The following ANKRD13A variants were observed in gnomAD, a reference collection of about 807,000 sequenced individuals.
ANKRD13A encodes ankyrin repeat domain 13A.
A neutral mutation model predicts 81.3 loss-of-function variants in ANKRD13A; 48 were observed. The observed-to-expected ratio is 0.59, with a 90% CI of 0.47 to 0.75. ANKRD13A has a LOEUF of 0.75. ANKRD13A is among the 30% of genes least tolerant of loss of function. The probability of loss-of-function intolerance (pLI) is 0.00; values close to 1 mark genes in which losing one functional copy is unlikely to be tolerated. For missense variants in ANKRD13A, 612 were observed against 734.0 expected (o/e 0.83, Z 1.92); for synonymous variants, 230 against 270.1 (o/e 0.85, Z 1.45).
At chr12:110,033,060 T>TC (rs1034826327) in intron 12 of ANKRD13A, among the ~76,000 whole-genome samples, 5 of 149,300 alleles carry the variant, frequency 3.3e-5, no homozygotes, top group Non-Finnish European at 7.4e-5. Context: ...TTTTTCTTTT[T>TC]TTTTTTTTTT....
intron 12 of ANKRD13A, 117 bp downstream of exon 12, chr12:110,030,875 A>G (rs890446245): frequency 4.6e-5 from 20 of 432,946 alleles, no homozygotes; most frequent in Middle Eastern, 6.6e-4. Flanking sequence ...TGGGTGGATC[A>G]CCTGAGGTCG....
chr12:110,032,586 T>A (rs1018283128), intron 12 of ANKRD13A: 1 of 152,140 alleles, frequency 6.6e-6, no homozygotes, highest in African/African-American at 2.4e-5. Context: ...GTGGATGACC[T>A]AGCAATTCCT....
intron 6 of ANKRD13A, chr12:110,022,171 T>C (rs982835681): frequency 6.6e-6 from 1 of 152,304 alleles, no homozygotes; most frequent in African/African-American, 2.4e-5. Flanking sequence ...AATGCTGAGC[T>C]GGGCGTGCTG....
chr12:110,016,814 C>T (rs1890827572), intron 4 of ANKRD13A, among the ~76,000 whole-genome samples: 1 of 151,720 alleles, frequency 6.6e-6, no homozygotes, highest in Non-Finnish European at 1.5e-5. Context: ...ACTCTGTTGT[C>T]CAGGCTGGAG....
chr12:110,033,704 CCTTT>C (rs767312073), intron 12 of ANKRD13A, 89 bp from the exon 13 acceptor site: 155 of 1,201,628 alleles, frequency 1.3e-4, no homozygotes, highest in Non-Finnish European at 1.7e-4. Flanking sequence ...TAATTTTGAG[CCTTT>C]CTTTTTTTTC....
chr12:110,035,641 G>C (rs570894514), intron 13 of ANKRD13A, among the ~76,000 whole-genome samples: 3 of 151,956 alleles, frequency 2.0e-5, no homozygotes, highest in Admixed American at 6.6e-5. Context: ...GTAGAGACGG[G>C]GTTTTACCAT....
At chr12:109,999,426 C>A (rs1454442086), upstream of ANKRD13A, 4 of 204,752 alleles carry the variant, frequency 2.0e-5, no homozygotes, top group Admixed American at 5.9e-5. The surrounding 1 kb of genome is among the most constrained non-coding windows in gnomAD (Gnocchi z 4.3). Flanking sequence ...GCAGTTAGGT[C>A]CGCAGAAGTC....
intron 10 of ANKRD13A, 119 bp downstream of exon 10, chr12:110,028,761 G>A (rs112810261): frequency 4.6e-5 from 64 of 1,386,204 alleles, no homozygotes; most frequent in African/African-American, 2.3e-4. Flanking sequence ...TTTTTCAGAC[G>A]GAGTCTCGCT....
intron 1 of ANKRD13A, among the ~76,000 whole-genome samples, chr12:110,005,015 A>T (rs929246703): frequency 6.6e-6 from 1 of 152,254 alleles, no homozygotes; most frequent in African/African-American, 2.4e-5. Flanking sequence ...GATTTTTTCA[A>T]AAGATTTTTA....
At chr12:110,025,356 A>G (rs1891265637) in intron 7 of ANKRD13A, among the ~76,000 whole-genome samples, 1 of 137,090 alleles carries the variant, frequency 7.3e-6, no homozygotes, top group African/African-American at 2.7e-5. Context: ...ACTCTGTCTC[A>G]AAAAAAAAAA....
In ANKRD13A at chr12:110,018,343, A is replaced by C. The variant is rs1890894766; in HGVS notation, c.401-2A>C. On this transcript the variant is annotated splice_acceptor_variant, in intron 4 of 14. Transcript: ENST00000261739. LOFTEE classifies it high-confidence loss of function. The surrounding 1 kb of genome is among the most constrained non-coding windows in gnomAD (Gnocchi z 4.4). ...TCTCAGTAGTACACTTCTCTCCTCC[A>C]GTGCCCTTGGTTTCTAGAATATGCC... 3 of 1,613,942 alleles carry C rather than the reference A, an allele frequency of 1.9e-6. No individual in the cohort carries two copies. Among genetic ancestry groups the C allele is most frequent in the Non-Finnish European group, 1.7e-6 (2 of 1,179,896 alleles).
At chr12:110,004,342 G>T (rs1278122917) in intron 1 of ANKRD13A, among the ~76,000 whole-genome samples, 1 of 151,922 alleles carries the variant, frequency 6.6e-6, no homozygotes, top group Non-Finnish European at 1.5e-5. Flanking sequence ...CCAGCCGGGC[G>T]TGGTGGCTCA....
intron 6 of ANKRD13A, 37 bp downstream of exon 6, chr12:110,019,365 C>A (rs1257106546): frequency 1.3e-6 from 2 of 1,535,546 alleles, no homozygotes; most frequent in South Asian, 2.5e-5. Context: ...TGTCTAATCC[C>A]CATGCTGCCA....
chr12:110,031,825 TGA>T (rs973116725), intron 12 of ANKRD13A, among the ~76,000 whole-genome samples: 2 of 152,190 alleles, frequency 1.3e-5, no homozygotes, highest in African/African-American at 4.8e-5. Flanking sequence ...GAAATATAAT[TGA>T]GTTTTGTATT....
chr12:110,011,923 G>T, intron 1 of ANKRD13A, 82 bp from the exon 2 acceptor site: 1 of 1,363,630 alleles, frequency 7.3e-7, no homozygotes, highest in Non-Finnish European at 1.0e-6. Flanking sequence ...TCTATTTTTT[G>T]TACTTGAAAT....
chr12:110,025,659 C>A, intron 7 of ANKRD13A, 83 bp from the exon 8 acceptor site: 1 of 988,894 alleles, frequency 1.0e-6, no homozygotes, highest in Non-Finnish European at 1.5e-6. Flanking sequence ...CTGTTTTTTG[C>A]TTCAGCATTC....
chr12:110,037,740 G>A lies in ANKRD13A; in HGVS notation c.*186G>A. 1 of 545,238 alleles carries A rather than the reference G, an allele frequency of 1.8e-6. No individual in the cohort carries two copies. The highest frequency in any genetic ancestry group is 3.2e-6 in the Non-Finnish European group (1 of 315,326). 33.8% of individuals were successfully genotyped at this position (545,238 alleles called of 1,614,324 possible). A position where few individuals can be genotyped will look rare whatever the true frequency, so the allele number is the denominator to read the frequency against. The stretch of plus-strand genomic sequence containing the variant: ...GCCCATCCAGGCTGCTCCCTGGGGT[G>A]GAGAAGGGACCAGGGATTGCAGGCC... On this transcript the variant is annotated 3_prime_UTR_variant, in exon 15 of 15. Transcript: ENST00000261739.
intron 7 of ANKRD13A, among the ~76,000 whole-genome samples, chr12:110,024,410 T>TAA (rs76440971): frequency 6.9e-6 from 1 of 144,232 alleles, no homozygotes; most frequent in Non-Finnish European, 1.5e-5. Context: ...CTTAATTATT[T>TAA]AAAAAAAAAA....
intron 11 of ANKRD13A, 95 bp downstream of exon 11, chr12:110,029,730 GCTT>G: frequency 7.0e-7 from 1 of 1,436,572 alleles, no homozygotes; most frequent in Non-Finnish European, 9.6e-7. Flanking sequence ...GAATTGGAGT[GCTT>G]TAGGTCAAAG....
Sources: allele counts gnomAD v4.1 joint callset (sites outside exome capture counted in the v4.1 genomes callset), GRCh38; gene constraint gnomAD v4.1.1; non-coding constraint Gnocchi (gnomAD v3.1); transcripts MANE v1.5; gene names NCBI Gene and HGNC (gene_info 2026-07-23, HGNC 2026-07-21).